TTC28: variants seen among roughly 807,000 people sequenced by gnomAD.
The protein encoded by TTC28 is tetratricopeptide repeat protein 28.
A neutral mutation model predicts 198.0 loss-of-function variants in TTC28; 61 were observed. The ratio of observed to expected loss-of-function variants is 0.31; its 90% confidence interval spans 0.25 to 0.38. The LOEUF (loss-of-function observed/expected upper bound fraction) is 0.38, where lower values mean the gene tolerates loss of function less well. Ranked by LOEUF, TTC28 falls within the 10% of genes least tolerant of loss-of-function variation. The pLI, the probability that TTC28 is intolerant of heterozygous loss-of-function variation, is 1.00. For synonymous variants in TTC28, 1,171 were observed against 1,297.8 expected (o/e 0.90, Z 2.10); for missense variants, 2,678 against 3,164.0 (o/e 0.85, Z 3.69).
At position 28,594,260 on chromosome 22, in the gene TTC28, TTTA is replaced by T. The variant is rs777197398; in HGVS notation, c.381+35289_381+35291del. Among the ~76,000 whole-genome samples, 10 of 148,872 alleles carry T rather than the reference TTTA, an allele frequency of 6.7e-5. No homozygotes were observed. The South Asian group carries it at 1.3e-3, about 19-fold the overall frequency. ...ATAATCGTTTATTAATATAATTATA[TTTA>T]TTAATATAAGAAGTAATTAATTATA... On this transcript the variant is annotated intron_variant, in intron 2 of 22. Transcript: ENST00000397906.
chr22:28,066,304 G>GGTGT (rs1555910369), intron 12 of TTC28, among the ~76,000 whole-genome samples: 66 of 147,192 alleles, frequency 4.5e-4, no homozygotes, highest in African/African-American at 1.4e-3. Context: ...GTGTGTGTGT[G>GGTGT]GTGTGTGTGT....
intron 6 of TTC28, among the ~76,000 whole-genome samples, chr22:28,138,414 G>A (rs1186633483): frequency 1.3e-5 from 2 of 152,142 alleles, no homozygotes; most frequent in African/African-American, 2.4e-5. Context: ...CTAAGCAAAT[G>A]TTTACAAGTA....
chr22:28,490,269 C>A (rs756572912), intron 2 of TTC28, among the ~76,000 whole-genome samples: 1 of 152,186 alleles, frequency 6.6e-6, no homozygotes, highest in Non-Finnish European at 1.5e-5. Flanking sequence ...CTAGGTTACA[C>A]CAAAGTGATA....
At chr22:28,384,577 TATG>T (rs1482611132) in intron 2 of TTC28, among the ~76,000 whole-genome samples, 1 of 152,244 alleles carries the variant, frequency 6.6e-6, no homozygotes, top group Non-Finnish European at 1.5e-5. Context: ...ACATAGTAAG[TATG>T]CATTCAATAC....
intron 2 of TTC28, among the ~76,000 whole-genome samples, chr22:28,584,082 C>T (rs1349182205): frequency 6.7e-6 from 1 of 149,902 alleles, no homozygotes; most frequent in African/African-American, 2.5e-5. Context: ...TGGGCTCAAG[C>T]GATCCTCCTA....
chr22:28,602,945 T>C (rs549605919), intron 2 of TTC28, among the ~76,000 whole-genome samples: 1 of 152,316 alleles, frequency 6.6e-6, no homozygotes, highest in South Asian at 2.1e-4. Context: ...AGTGGTACGA[T>C]CTCGACTCAC....
At chr22:28,194,725 C>T (rs1925221413) in intron 5 of TTC28, among the ~76,000 whole-genome samples, 1 of 140,506 alleles carries the variant, frequency 7.1e-6, no homozygotes. Flanking sequence ...CCACCCAAGA[C>T]TAAAACAAGA....
intron 6 of TTC28, among the ~76,000 whole-genome samples, chr22:28,153,405 A>C (rs1943657660): frequency 6.6e-6 from 1 of 150,470 alleles, no homozygotes; most frequent in Non-Finnish European, 1.5e-5. Flanking sequence ...TAAAAAAAAA[A>C]AAAAAAAAAA....
intron 2 of TTC28, among the ~76,000 whole-genome samples, chr22:28,603,130 C>T (rs180798390): frequency 6.6e-6 from 1 of 152,236 alleles, no homozygotes; most frequent in Admixed American, 6.5e-5. Flanking sequence ...CCACCCACCT[C>T]GGCTTCCCAA....
chr22:28,181,992 G>C (rs974602234), intron 5 of TTC28, among the ~76,000 whole-genome samples: 2 of 152,176 alleles, frequency 1.3e-5, no homozygotes, highest in Admixed American at 1.3e-4. Context: ...AGTTCTATTA[G>C]GGAGAAACAC....
rs555439796 is a variant in TTC28 at position 28,495,883 on chromosome 22, A to T, written c.381+133669T>A. Among the ~76,000 whole-genome samples the T allele has an allele frequency of 2.0e-5, 3 of 152,190 alleles. No homozygotes were observed. In the South Asian group the frequency reaches 6.2e-4, roughly 32 times the overall value. The stretch of plus-strand genomic sequence containing the variant: ...CAATTTTCTCTTCCCATCATCTCTT[A>T]AACGCACACCAAACAGACTTTCACC... On this transcript the variant is annotated intron_variant, in intron 2 of 22. Coordinates refer to ENST00000397906, the MANE Select transcript of TTC28 (RefSeq NM_001145418.2).
At chr22:28,151,087 T>C (rs977806564) in intron 6 of TTC28, among the ~76,000 whole-genome samples, 17 of 152,300 alleles carry the variant, frequency 1.1e-4, no homozygotes, top group African/African-American at 3.8e-4. Context: ...CATATGTTCA[T>C]AATCATTTGT....
intron 2 of TTC28, among the ~76,000 whole-genome samples, chr22:28,407,471 C>A: frequency 7.2e-6 from 1 of 139,636 alleles, no homozygotes; most frequent in East Asian, 2.0e-4. Context: ...CACATGCGTG[C>A]GCACACACAC....
chr22:28,142,531 G>C (rs1313913321), intron 6 of TTC28, among the ~76,000 whole-genome samples: 1 of 152,210 alleles, frequency 6.6e-6, no homozygotes, highest in Non-Finnish European at 1.5e-5. Flanking sequence ...TTTGGGCCAA[G>C]AATGTGGAAT....
intron 2 of TTC28, among the ~76,000 whole-genome samples, chr22:28,614,677 G>A (rs1370773659): frequency 1.3e-5 from 2 of 152,126 alleles, no homozygotes; most frequent in African/African-American, 2.4e-5. Context: ...AAACCTGACA[G>A]CAACAAGCAA....
chr22:28,184,281 T>C (rs7510988), intron 5 of TTC28, among the ~76,000 whole-genome samples: 6,527 of 152,278 alleles, frequency 0.043, 167 homozygotes, highest in African/African-American at 0.058. Flanking sequence ...TTTAAAGTCA[T>C]ATATTTATAT....
intron 2 of TTC28, among the ~76,000 whole-genome samples, chr22:28,543,875 C>A (rs1157603510): frequency 6.6e-6 from 1 of 152,068 alleles, no homozygotes; most frequent in Non-Finnish European, 1.5e-5. Flanking sequence ...CCAACAATAT[C>A]TAAAAAAATA....
intron 2 of TTC28, among the ~76,000 whole-genome samples, chr22:28,343,186 G>A (rs1439978721): frequency 1.3e-5 from 2 of 152,062 alleles, no homozygotes; most frequent in East Asian, 1.9e-4. Flanking sequence ...AAAACACAAC[G>A]GAGATTAGAC....
intron 2 of TTC28, among the ~76,000 whole-genome samples, chr22:28,336,052 C>T (rs1025025087): frequency 2.0e-5 from 3 of 152,088 alleles, no homozygotes; most frequent in Non-Finnish European, 4.4e-5. Context: ...GCACGAAGGG[C>T]TGTTGAATTT....
Sources: gnomAD v4.1 joint callset for allele counts (sites outside exome capture counted in the v4.1 genomes callset) on GRCh38, gnomAD v4.1.1 for gene constraint, MANE v1.5 for transcripts, NCBI Gene and HGNC (gene_info 2026-07-23, HGNC 2026-07-21) for gene names.